The following CLSTN1 variants were observed in gnomAD, a reference collection of about 807,000 sequenced individuals.
CLSTN1 encodes calsyntenin-1.
A neutral mutation model predicts 108.3 loss-of-function variants in CLSTN1; 28 were observed. The ratio of observed to expected loss-of-function variants is 0.26; its 90% confidence interval spans 0.19 to 0.35. The LOEUF (loss-of-function observed/expected upper bound fraction) is 0.35, where lower values mean the gene tolerates loss of function less well. CLSTN1 is among the 10% of genes least tolerant of loss of function. The probability of loss-of-function intolerance (pLI) is 1.00; values close to 1 mark genes in which losing one functional copy is unlikely to be tolerated. For missense variants in CLSTN1, 1,157 were observed against 1,302.6 expected (o/e 0.89, Z 1.72); for synonymous variants, 524 against 534.9 (o/e 0.98, Z 0.28).
At chr1:9,791,490 T>A (rs1211483726) in intron 1 of CLSTN1, among the ~76,000 whole-genome samples, 1 of 151,430 alleles carries the variant, frequency 6.6e-6, no homozygotes. Flanking sequence ...TGCCTTGGCC[T>A]CCCAAAGAGC....
chr1:9,741,310 C>T, intron 9 of CLSTN1, 54 bp from the exon 10 acceptor site: 1 of 1,539,514 alleles, frequency 6.5e-7, no homozygotes, highest in Non-Finnish European at 8.9e-7. Context: ...TCCTTCTCAT[C>T]AATGCCCATG....
intron 1 of CLSTN1, among the ~76,000 whole-genome samples, chr1:9,780,145 G>C (rs1249224314): frequency 6.6e-6 from 1 of 152,180 alleles, no homozygotes; most frequent in Admixed American, 6.6e-5. Flanking sequence ...ATGAGCCACG[G>C]CATCCGGCCT....
intron 5 of CLSTN1, 55 bp downstream of exon 5, chr1:9,751,418 G>C: frequency 6.4e-7 from 1 of 1,555,856 alleles, no homozygotes. Context: ...TGTAAAGTCA[G>C]TGGGGTTAGC....
intron 1 of CLSTN1, among the ~76,000 whole-genome samples, chr1:9,803,601 G>C (rs1227761040): frequency 1.3e-5 from 2 of 152,068 alleles, no homozygotes; most frequent in Non-Finnish European, 1.5e-5. Flanking sequence ...TCAGGAGTTC[G>C]AGACCAGTCT....
chr1:9,780,396 C>T (rs1370143312), intron 1 of CLSTN1, among the ~76,000 whole-genome samples: 1 of 152,092 alleles, frequency 6.6e-6, no homozygotes, highest in South Asian at 2.1e-4. Context: ...GAGCACATTA[C>T]AGAAAACCCA....
chr1:9,818,826 G>C (rs1488267134), intron 1 of CLSTN1, among the ~76,000 whole-genome samples: 3 of 112,520 alleles, frequency 2.7e-5, no homozygotes, highest in Admixed American at 1.3e-4. Flanking sequence ...TCACTCTGTC[G>C]CCCAGGCTGG....
rs1287313884 is a variant in CLSTN1, at chr1:9,730,217, G to A, written c.*291C>T. 1.4e-5 allele frequency: 7 copies of A among 505,330 alleles called. No individual in the cohort carries two copies. Among genetic ancestry groups the A allele is most frequent in the Admixed American group, 3.2e-5 (1 of 30,976 alleles). The allele number at this position is 505,330 out of a possible 1,614,324, so 31.3% of individuals were successfully genotyped here. A position where few individuals can be genotyped will look rare whatever the true frequency, so the allele number is the denominator to read the frequency against. On this transcript the variant is annotated 3_prime_UTR_variant, in exon 19 of 19. Transcript: ENST00000377298. The surrounding 1 kb of genome is among the most constrained non-coding windows in gnomAD (Gnocchi z 5.6). ...AGGGGCCAGTGTCCTCTCCCCGGGG[G>A]GAGACTCCAGACACAAACGCGGGGC...
intron 11 of CLSTN1, among the ~76,000 whole-genome samples, chr1:9,736,392 G>A (rs1276881746): frequency 6.6e-6 from 1 of 152,156 alleles, no homozygotes; most frequent in Non-Finnish European, 1.5e-5. Context: ...AGCCTCTCCA[G>A]CCACTGCCTT....
chr1:9,819,742 A>T (rs1655121491), intron 1 of CLSTN1, among the ~76,000 whole-genome samples: 1 of 152,244 alleles, frequency 6.6e-6, no homozygotes, highest in Non-Finnish European at 1.5e-5. Context: ...TTATTTCTTC[A>T]GCAGTTATAG....
chr1:9,798,625 G>A (rs1654119610), intron 1 of CLSTN1, among the ~76,000 whole-genome samples: 1 of 152,142 alleles, frequency 6.6e-6, no homozygotes, highest in African/African-American at 2.4e-5. Context: ...ATGGGCATGA[G>A]GTTTTCTTTT....
chr1:9,768,719 C>T (rs1245312563), intron 2 of CLSTN1, among the ~76,000 whole-genome samples: 1 of 53,834 alleles, frequency 1.9e-5, no homozygotes, highest in African/African-American at 7.9e-5. Flanking sequence ...TGGGTGGCAC[C>T]ATGGGGGTGG....
At chr1:9,803,018 T>A (rs1381873707) in intron 1 of CLSTN1, among the ~76,000 whole-genome samples, 1 of 151,998 alleles carries the variant, frequency 6.6e-6, no homozygotes, top group Non-Finnish European at 1.5e-5. Flanking sequence ...GAGACAAGGT[T>A]TCGCTATGTT....
intron 1 of CLSTN1, among the ~76,000 whole-genome samples, chr1:9,812,740 C>CA (rs1654811836): frequency 6.6e-6 from 1 of 151,200 alleles, no homozygotes; most frequent in East Asian, 1.9e-4. Flanking sequence ...TCCAGCTACT[C>CA]AGGAGGCTGA....
intron 2 of CLSTN1, among the ~76,000 whole-genome samples, chr1:9,756,874 G>C (rs1442629124): frequency 6.6e-6 from 1 of 150,976 alleles, no homozygotes; most frequent in Admixed American, 6.6e-5. Flanking sequence ...TCCGCCTCCT[G>C]GGTTCACCAT....
chr1:9,781,779 C>T (rs1443510005), intron 1 of CLSTN1, among the ~76,000 whole-genome samples: 5 of 151,966 alleles, frequency 3.3e-5, no homozygotes, highest in Admixed American at 1.3e-4. Context: ...GCTTCCACAT[C>T]GCCATGTTCA....
rs778399511 is a variant in CLSTN1 at position 9,731,352 on chromosome 1, C to T, written c.2602G>A (p.Val868Ile). ...STATVVIVVC[V>I]SFLVFMIILG... Reference sequence around the variant, plus strand: ...ATAATCATGAACACCAGGAAGCTGACGCACACCACGATCACAACTGTCGCA... The same window carrying T: ...ATAATCATGAACACCAGGAAGCTGATGCACACCACGATCACAACTGTCGCA... Residue 868 changes from valine to isoleucine, a missense_variant, in exon 18 of 19, where the codon GTC becomes ATC. Coordinates refer to ENST00000377298, the MANE Select transcript of CLSTN1 (RefSeq NM_001009566.3). The T allele has an allele frequency of 1.3e-5, 21 of 1,614,264 alleles. No individual in the cohort carries two copies. In the Middle Eastern group the frequency reaches 8.2e-4, roughly 63 times the overall value.
intron 7 of CLSTN1, among the ~76,000 whole-genome samples, chr1:9,745,555 G>A (rs973287352): frequency 1.8e-4 from 28 of 151,830 alleles, no homozygotes; most frequent in Non-Finnish European, 2.9e-4. Context: ...TACTTGGGAG[G>A]CTGAGATGGG....
In CLSTN1 at chr1:9,756,530, G is replaced by A. The variant is rs1651811873; in HGVS notation, c.215-20C>T. On this transcript the variant is annotated intron_variant, in intron 2 of 18. Coordinates refer to ENST00000377298, the MANE Select transcript of CLSTN1 (RefSeq NM_001009566.3). The stretch of plus-strand genomic sequence containing the variant: ...AACTCTCTAAAGGGAGAAAAGATAA[G>A]CCCATGTCAGTAATACAGGAAAGAA... The A allele has an allele frequency of 3.7e-6, 6 of 1,607,932 alleles. No homozygotes were observed. The highest frequency in any genetic ancestry group is 5.1e-6 in the Non-Finnish European group (6 of 1,174,980).
At chr1:9,782,704 G>A (rs1487368998) in intron 1 of CLSTN1, among the ~76,000 whole-genome samples, 1 of 152,198 alleles carries the variant, frequency 6.6e-6, no homozygotes, top group Admixed American at 6.5e-5. Flanking sequence ...AACTCTGTGG[G>A]CTAAAGAGAG....
Sources: gnomAD v4.1 joint callset for allele counts (sites outside exome capture counted in the v4.1 genomes callset) on GRCh38, gnomAD v4.1.1 for gene constraint, Gnocchi (gnomAD v3.1) non-coding constraint, MANE v1.5 for transcripts, NCBI Gene and HGNC (gene_info 2026-07-23, HGNC 2026-07-21) for gene names.